The following NRG1 variants were observed in gnomAD, a reference collection of about 807,000 sequenced individuals.
NRG1 encodes neuregulin 1, also known as pro-neuregulin-1, membrane-bound isoform.
Under a neutral mutation model 63.8 loss-of-function variants are expected in NRG1, and 18 were observed. That is an observed-to-expected ratio of 0.28 (90% CI 0.19 to 0.42). The LOEUF (loss-of-function observed/expected upper bound fraction) is 0.42. Ranked by LOEUF, NRG1 falls within the 10% of genes least tolerant of loss-of-function variation. The pLI, the probability that NRG1 is intolerant of heterozygous loss-of-function variation, is 1.00. For missense variants in NRG1, 762 were observed against 814.7 expected (o/e 0.94, Z 0.79); for synonymous variants, 302 against 301.3 (o/e 1.00, Z -0.02).
At chr8:32,375,242 T>G (rs1448287740) in intron 1 of NRG1, among the ~76,000 whole-genome samples, 1 of 152,098 alleles carries the variant, frequency 6.6e-6, no homozygotes, top group Non-Finnish European at 1.5e-5. Context: ...CTCCTCAAAG[T>G]GCTGGGATTA....
chr8:31,874,095 G>A (rs1043580621), intron 1 of NRG1, among the ~76,000 whole-genome samples: 5 of 152,220 alleles, frequency 3.3e-5, no homozygotes, highest in South Asian at 4.1e-4. Flanking sequence ...TCGTGTCTGC[G>A]TTTAGGGCAC....
At chr8:32,062,448 C>T (rs770064095) in intron 1 of NRG1, among the ~76,000 whole-genome samples, 73 of 151,972 alleles carry the variant, frequency 4.8e-4, no homozygotes, top group Non-Finnish European at 5.6e-4. Context: ...ATTACTTGTA[C>T]GGATATGCTG....
chr8:31,796,104 A>G lies in NRG1; in HGVS notation c.37+156673A>G, dbSNP rs1287539390. Among the ~76,000 whole-genome samples, 5 of 152,238 alleles carry G rather than the reference A, an allele frequency of 3.3e-5. 1 individual carries two copies. Among genetic ancestry groups the G allele is most frequent in the Admixed American group, 2.6e-4 (4 of 15,288 alleles). On this transcript the variant is annotated intron_variant, in intron 1 of 10. Coordinates refer to the NRG1 transcript ENST00000519301. ...GAATAAGAAAAATATTGTTCTAAGT[A>G]ATCTAGATGGAGCATACACCTAGCC...
At chr8:32,420,619 A>G (rs1468300878) in intron 1 of NRG1, among the ~76,000 whole-genome samples, 1 of 151,946 alleles carries the variant, frequency 6.6e-6, no homozygotes, top group Non-Finnish European at 1.5e-5. Context: ...TAATCCATTT[A>G]ACCAAACTCC....
chr8:32,097,528 T>C (rs537325153), intron 1 of NRG1, among the ~76,000 whole-genome samples: 1 of 152,216 alleles, frequency 6.6e-6, no homozygotes, highest in Non-Finnish European at 1.5e-5. Context: ...TTTTTGATAA[T>C]AACCATACTA....
chr8:32,011,617 G>C (rs1451721095), intron 1 of NRG1, among the ~76,000 whole-genome samples: 2 of 151,986 alleles, frequency 1.3e-5, no homozygotes, highest in Admixed American at 1.3e-4. Context: ...TATCCAAATT[G>C]ATCTCTGATG....
intron 1 of NRG1, among the ~76,000 whole-genome samples, chr8:31,816,692 G>A (rs2129602348): frequency 6.6e-6 from 1 of 152,246 alleles, no homozygotes; most frequent in Middle Eastern, 3.4e-3. Context: ...AGCTAATTAG[G>A]AGCAGAATCA....
chr8:31,966,106 T>TA (rs202002962), intron 1 of NRG1, among the ~76,000 whole-genome samples: 83 of 144,152 alleles, frequency 5.8e-4, no homozygotes, highest in African/African-American at 1.9e-3. Flanking sequence ...TCCCTGAAAC[T>TA]AAAAAAAAAA....
intron 1 of NRG1, among the ~76,000 whole-genome samples, chr8:32,040,729 T>A (rs58700180): frequency 3.7e-4 from 32 of 86,796 alleles, no homozygotes; most frequent in African/African-American, 1.1e-3. Context: ...TATATATATA[T>A]ATATATATGA....
intron 1 of NRG1, among the ~76,000 whole-genome samples, chr8:32,493,384 A>G (rs1587959967): frequency 1.3e-5 from 2 of 152,106 alleles, no homozygotes; most frequent in East Asian, 3.9e-4. Context: ...GAAAATAACA[A>G]ACTTCAGATG....
chr8:31,853,623 C>T (rs1173800572), intron 1 of NRG1, among the ~76,000 whole-genome samples: 41 of 151,282 alleles, frequency 2.7e-4, no homozygotes, highest in Non-Finnish European at 5.2e-4. Context: ...TGCCTAATTG[C>T]CCTGGCCAGA....
intron 5 of NRG1, among the ~76,000 whole-genome samples, chr8:32,621,407 C>G (rs1159706746): frequency 6.6e-6 from 1 of 152,138 alleles, no homozygotes; most frequent in Non-Finnish European, 1.5e-5. Context: ...TCTTGCTGCT[C>G]CTTTTATAGA....
chr8:31,751,799 G>T (rs888782301), intron 1 of NRG1, among the ~76,000 whole-genome samples: 1 of 151,810 alleles, frequency 6.6e-6, no homozygotes, highest in Non-Finnish European at 1.5e-5. Flanking sequence ...ATGTGAGGAG[G>T]TGAGGAAGAG....
intron 1 of NRG1, among the ~76,000 whole-genome samples, chr8:31,866,626 T>C (rs976325590): frequency 6.6e-6 from 1 of 151,974 alleles, no homozygotes; most frequent in African/African-American, 2.4e-5. Context: ...TATTAGAGAG[T>C]TTATTGTGTA....
intron 1 of NRG1, among the ~76,000 whole-genome samples, chr8:32,459,566 A>T (rs529612299): frequency 2.0e-5 from 3 of 151,786 alleles, no homozygotes; most frequent in African/African-American, 7.2e-5. Flanking sequence ...GGAGTTCAAG[A>T]CCAGTCTGGG....
At chr8:31,713,359 G>C (rs575301925) in intron 1 of NRG1, among the ~76,000 whole-genome samples, 1 of 151,744 alleles carries the variant, frequency 6.6e-6, no homozygotes, top group African/African-American at 2.4e-5. Context: ...CTCGTGATCC[G>C]CCGGCCTCGG....
intron 1 of NRG1, among the ~76,000 whole-genome samples, chr8:32,158,174 G>C (rs1838352389): frequency 6.6e-6 from 1 of 151,838 alleles, no homozygotes; most frequent in Admixed American, 6.6e-5. Flanking sequence ...GAAGGCCACA[G>C]CTCCTGGTGG....
chr8:32,081,380 G>A (rs1185185430), intron 1 of NRG1, among the ~76,000 whole-genome samples: 2 of 152,090 alleles, frequency 1.3e-5, no homozygotes, highest in Non-Finnish European at 2.9e-5. Context: ...AGACAATTGA[G>A]GAAAAGGGAA....
At chr8:31,746,912 A>G (rs1224016644) in intron 1 of NRG1, among the ~76,000 whole-genome samples, 1 of 152,014 alleles carries the variant, frequency 6.6e-6, no homozygotes, top group Non-Finnish European at 1.5e-5. Flanking sequence ...AGGCACAGAA[A>G]GACAAATGTC....
Sources: allele counts gnomAD v4.1 joint callset (sites outside exome capture counted in the v4.1 genomes callset), GRCh38; gene constraint gnomAD v4.1.1; transcripts MANE v1.5; gene names NCBI Gene and HGNC (gene_info 2026-07-23, HGNC 2026-07-21).